Variants in TRAF3IP1 observed in about 807,000 individuals in gnomAD.
The protein encoded by TRAF3IP1 is intraflagellar transport 54, also known as TRAF3-interacting protein 1.
A neutral mutation model predicts 89.9 loss-of-function variants in TRAF3IP1; 53 were observed. That is an observed-to-expected ratio of 0.59 (90% CI 0.47 to 0.74). The LOEUF is 0.74. TRAF3IP1 is among the 30% of genes least tolerant of loss of function. The probability of loss-of-function intolerance (pLI) is 0.00; values close to 1 mark genes in which losing one functional copy is unlikely to be tolerated. For synonymous variants in TRAF3IP1, 311 were observed against 322.1 expected, an observed-to-expected ratio of 0.97 and a Z score of 0.37; for missense variants, 806 against 866.1, an observed-to-expected ratio of 0.93 and a Z score of 0.87.
intron 6 of TRAF3IP1, among the ~76,000 whole-genome samples, 160 bp downstream of exon 6, chr2:238,333,055 A>C (rs1698207165): frequency 1.3e-5 from 2 of 152,182 alleles, no homozygotes; most frequent in African/African-American, 4.8e-5. Flanking sequence ...GTAATCAGTT[A>C]AATGCTTTAC....
chr2:238,366,946 G>A (rs778150743), intron 15 of TRAF3IP1, among the ~76,000 whole-genome samples: 1 of 151,844 alleles, frequency 6.6e-6, no homozygotes, highest in Non-Finnish European at 1.5e-5. Flanking sequence ...GGCAGATCAC[G>A]AAGTCGGGAG....
chr2:238,399,253 G>A lies in TRAF3IP1; in HGVS notation c.*334G>A, dbSNP rs182128572. 419 of 182,200 alleles carry A rather than the reference G, an allele frequency of 2.3e-3. 2 individuals are homozygous for A. The highest frequency in any genetic ancestry group is 6.2e-3 in the African/African-American group (263 of 42,334). 11.3% of individuals were successfully genotyped at this position (182,200 alleles called of 1,614,324 possible). Reference sequence around the variant, plus strand: ...ACTCTCTAGCAGGTAAGTGGTGTGGGCATACCAAGGGAACAGTAGTCCTTT... The same window carrying A: ...ACTCTCTAGCAGGTAAGTGGTGTGGACATACCAAGGGAACAGTAGTCCTTT... On this transcript the variant is annotated 3_prime_UTR_variant, in exon 17 of 17. Coordinates refer to ENST00000373327, the MANE Select transcript of TRAF3IP1 (RefSeq NM_015650.4).
chr2:238,335,766 TTTTATTTATTTATTTATTTA>T lies in TRAF3IP1; in HGVS notation c.1063+1763_1063+1782del, dbSNP rs141038702. 6.0e-4 allele frequency among the ~76,000 whole-genome samples: 82 copies of T among 137,126 alleles called. 1 individual carries two copies. The highest frequency in any genetic ancestry group is 7.5e-3 in the Middle Eastern group (2 of 268). 90.0% of individuals were successfully genotyped at this position (137,126 alleles called of 152,430 possible). A position where few individuals can be genotyped will look rare whatever the true frequency, so the allele number is the denominator to read the frequency against. On this transcript the variant is annotated intron_variant, in intron 7 of 16. Transcript: ENST00000373327. ...TTGCTCGCTGGTTTATTTTATTTTA[TTTTATTTATTTATTTATTTA>T]TTTATTTATTTATTTATTTATTTAT...
intron 8 of TRAF3IP1, among the ~76,000 whole-genome samples, chr2:238,340,113 C>T (rs552445875): frequency 4.3e-4 from 65 of 152,242 alleles, no homozygotes; most frequent in African/African-American, 1.4e-3. Context: ...GAGAGACTCC[C>T]GGTCCCTTGT....
rs368410651 is a variant in TRAF3IP1, at chr2:238,397,499, A to G, written c.1730A>G (p.Asp577Gly). The G allele has an allele frequency of 1.2e-6, 2 of 1,613,090 alleles. No homozygotes were observed. The highest frequency in any genetic ancestry group is 2.2e-5 in the South Asian group (2 of 91,088). Reference sequence around the variant, plus strand: ...GAGTCGGCATGGAAGAAGGAGAAGGACATCGTTTCCAAGGAGATAGAGAAG... The same window carrying G: ...GAGTCGGCATGGAAGAAGGAGAAGGGCATCGTTTCCAAGGAGATAGAGAAG... ...LFESAWKKEK[D>G]IVSKEIEKLR... The change falls in exon 16 of 17, where the codon GAC becomes GGC. Residue 577 changes from aspartate (D) to glycine (G), a missense_variant. By Grantham distance (94) the Asp-to-Gly change is moderately conservative (BLOSUM62 -1). Transcript: ENST00000373327.
intron 15 of TRAF3IP1, among the ~76,000 whole-genome samples, chr2:238,390,626 T>G (rs530291454): frequency 1.3e-5 from 2 of 152,314 alleles, no homozygotes; most frequent in East Asian, 3.9e-4. Flanking sequence ...CACTTGCAAC[T>G]TGCTTCTTTC....
At chr2:238,389,295 A>G (rs1281682393) in intron 15 of TRAF3IP1, among the ~76,000 whole-genome samples, 1 of 152,054 alleles carries the variant, frequency 6.6e-6, no homozygotes, top group Admixed American at 6.6e-5. Flanking sequence ...GTTAATGGGT[A>G]GGGACTTGGC....
rs997983485 is a variant in TRAF3IP1, at chr2:238,329,338, A to G, written c.911A>G (p.Lys304Arg). ...AACAGAGAGCATGACAAACCTGAGA[A>G]AAAGGTAAAGTCTTGCTGAGAACCT... is the stretch of plus-strand genomic sequence containing the variant. ...EKNREHDKPE[K>R]KSASSGEMSK... The change falls in exon 5 of 17, where the codon AAA becomes AGA. Residue 304 changes from lysine to arginine, a missense_variant. Coordinates refer to ENST00000373327, the MANE Select transcript of TRAF3IP1 (RefSeq NM_015650.4). 4.4e-6 allele frequency: 6 copies of G among 1,357,416 alleles called. No homozygotes were observed. Among genetic ancestry groups the G allele is most frequent in the Admixed American group, 5.6e-5 (2 of 35,958 alleles). 84.1% of individuals were successfully genotyped at this position (1,357,416 alleles called of 1,614,324 possible).
chr2:238,329,950 C>T (rs979194964), intron 5 of TRAF3IP1, among the ~76,000 whole-genome samples: 1 of 152,124 alleles, frequency 6.6e-6, no homozygotes, highest in Non-Finnish European at 1.5e-5. Context: ...TAATGATTCC[C>T]CACCAGGCAT....
intron 7 of TRAF3IP1, among the ~76,000 whole-genome samples, chr2:238,335,252 T>C (rs1033296609): frequency 6.6e-6 from 1 of 152,226 alleles, no homozygotes; most frequent in Admixed American, 6.5e-5. Flanking sequence ...GATTTGTGCT[T>C]TATCATACAT....
chr2:238,389,748 A>AAATAATAATAAC (rs369332290), intron 15 of TRAF3IP1, among the ~76,000 whole-genome samples: 2 of 146,340 alleles, frequency 1.4e-5, no homozygotes, highest in African/African-American at 5.0e-5. Context: ...ACTCCATCTC[A>AAATAATAATAAC]AATAATAATA....
chr2:238,341,203 T>TTG (rs1698636617), intron 8 of TRAF3IP1, among the ~76,000 whole-genome samples: 1 of 131,658 alleles, frequency 7.6e-6, no homozygotes. Context: ...TTTTTTTTTT[T>TTG]GTAGAGAGAG....
chr2:238,340,835 A>G (rs62196662), intron 8 of TRAF3IP1, among the ~76,000 whole-genome samples: 3,404 of 56,812 alleles, frequency 0.06, 36 homozygotes, highest in Middle Eastern at 0.19. Context: ...GTGTGTGTGT[A>G]TATATATATA....
intron 10 of TRAF3IP1, among the ~76,000 whole-genome samples, chr2:238,347,789 G>A (rs1175229703): frequency 1.3e-5 from 2 of 151,858 alleles, no homozygotes; most frequent in African/African-American, 4.8e-5. Context: ...CACCACGCCC[G>A]GCTAATTTTG....
At chr2:238,334,211 G>T (rs541597131) in intron 7 of TRAF3IP1, among the ~76,000 whole-genome samples, 176 bp downstream of exon 7, 1 of 152,092 alleles carries the variant, frequency 6.6e-6, no homozygotes, top group African/African-American at 2.4e-5. Context: ...ATACACATGC[G>T]TGTGTGCACA....
Position 238,351,709 on chromosome 2 carries a change from T to C in TRAF3IP1, c.1452-1118T>C, listed in dbSNP as rs114548124. Among the ~76,000 whole-genome samples, 198 of 152,234 alleles carry C rather than the reference T, an allele frequency of 1.3e-3. No homozygotes were observed. Among genetic ancestry groups the C allele is most frequent in the African/African-American group, 4.6e-3 (193 of 41,546 alleles). ...GAGCCACACAGGTGGTTGTTGAGTG[T>C]CTCAAGGACCCAGTTGAGGAAGTCG... On this transcript the variant is annotated intron_variant, in intron 12 of 16. Transcript: ENST00000373327. This position sits in a 1 kb window ranked among gnomAD's most constrained non-coding sequence, Gnocchi z 5.2.
chr2:238,342,392 A>G (rs1698703268), intron 8 of TRAF3IP1, among the ~76,000 whole-genome samples: 1 of 152,100 alleles, frequency 6.6e-6, no homozygotes, highest in Admixed American at 6.5e-5. Context: ...ACAGTGTGGT[A>G]TAATTAGTGA....
In TRAF3IP1 at chr2:238,351,852, TGTGTGTGTGTGTGTGCGC is replaced by T. The variant is rs1699174084; in HGVS notation, c.1452-973_1452-956del. Among the ~76,000 whole-genome samples, 2 of 116,112 alleles carry T rather than the reference TGTGTGTGTGTGTGTGCGC, an allele frequency of 1.7e-5. No homozygotes were observed. The highest frequency in any genetic ancestry group is 1.0e-4 in the African/African-American group (2 of 19,996). 76.2% of individuals were successfully genotyped at this position (116,112 alleles called of 152,430 possible). On this transcript the variant is annotated intron_variant, in intron 12 of 16. Coordinates refer to ENST00000373327, the MANE Select transcript of TRAF3IP1 (RefSeq NM_015650.4). This position sits in a 1 kb window ranked among gnomAD's most constrained non-coding sequence, Gnocchi z 5.2. ...GGATTTTGGTGTGTGTGTGTGTGTG[TGTGTGTGTGTGTGTGCGC>T]GCGCGCGCGTGTGCGTGCATGTGCT...
intron 14 of TRAF3IP1, among the ~76,000 whole-genome samples, chr2:238,353,768 A>G (rs1418645594): frequency 6.6e-6 from 1 of 151,946 alleles, no homozygotes; most frequent in Non-Finnish European, 1.5e-5. Context: ...TTTGGTATCT[A>G]TATGAAGCCA....
Sources: allele counts gnomAD v4.1 joint callset (sites outside exome capture counted in the v4.1 genomes callset), GRCh38; gene constraint gnomAD v4.1.1; non-coding constraint Gnocchi (gnomAD v3.1); transcripts MANE v1.5; gene names NCBI Gene and HGNC (gene_info 2026-07-23, HGNC 2026-07-21).